The following TMEM182 variants were observed in gnomAD, a reference collection of about 807,000 sequenced individuals.
The protein encoded by TMEM182 is transmembrane protein 182.
TMEM182 carries 20 observed loss-of-function variants against 26.8 expected under a neutral mutation model. The observed-to-expected ratio is 0.75, with a 90% confidence interval of 0.53 to 1.09. TMEM182 has a LOEUF of 1.09. Among genes scored for constraint, TMEM182 ranks in the 50% least tolerant of loss-of-function variants. The pLI is 0.00. For synonymous variants in TMEM182, 109 were observed against 102.2 expected, an observed-to-expected ratio of 1.07 and a Z score of -0.40; for missense variants, 277 against 275.5, an observed-to-expected ratio of 1.01 and a Z score of -0.04.
chr2:102,762,462 A>G (rs1457165263), intron 1 of TMEM182, 113 bp downstream of exon 1: 8 of 1,539,202 alleles, frequency 5.2e-6, no homozygotes, highest in South Asian at 2.5e-5. Flanking sequence ...TGGAAGAGAT[A>G]TGTAGAAAGC....
At chr2:102,771,548 A>G (rs1351455491) in intron 3 of TMEM182, among the ~76,000 whole-genome samples, 1 of 152,148 alleles carries the variant, frequency 6.6e-6, no homozygotes, top group Non-Finnish European at 1.5e-5. Context: ...TGGGCTTCTG[A>G]GAATTGGTTG....
At chr2:102,761,081 G>T (rs1184788257), upstream of TMEM182, among the ~76,000 whole-genome samples, 1 of 152,254 alleles carries the variant, frequency 6.6e-6, no homozygotes, top group Middle Eastern at 3.4e-3. Context: ...AAGTATTCCA[G>T]ATTATTGTTG....
chr2:102,809,429 A>C (rs1313294018), intron 4 of TMEM182, among the ~76,000 whole-genome samples: 2 of 152,196 alleles, frequency 1.3e-5, no homozygotes, highest in African/African-American at 4.8e-5. Context: ...TCCTTAGCAC[A>C]CTTACCCAGG....
chr2:102,756,188 T>C (rs1680026405), intron 1 of TMEM182, among the ~76,000 whole-genome samples: 1 of 152,244 alleles, frequency 6.6e-6, no homozygotes, highest in Non-Finnish European at 1.5e-5. Flanking sequence ...GTGAAATAGA[T>C]TTAAATCAGA....
At chr2:102,774,811 C>T (rs1187720465) in intron 3 of TMEM182, among the ~76,000 whole-genome samples, 1 of 151,996 alleles carries the variant, frequency 6.6e-6, no homozygotes. Context: ...TTTCATTGAT[C>T]TATGTCTCTA....
intron 3 of TMEM182, among the ~76,000 whole-genome samples, chr2:102,775,833 G>A (rs1007845037): frequency 6.6e-6 from 1 of 151,966 alleles, no homozygotes; most frequent in African/African-American, 2.4e-5. Context: ...AACTTACAAG[G>A]GATGTGAAGG....
At chr2:102,740,936 T>C (rs1268669843) in intron 1 of TMEM182, among the ~76,000 whole-genome samples, 1 of 152,224 alleles carries the variant, frequency 6.6e-6, no homozygotes, top group African/African-American at 2.4e-5. Context: ...AACATAATTA[T>C]GCTGAGTGAA....
intron 3 of TMEM182, among the ~76,000 whole-genome samples, chr2:102,830,012 T>C (rs1328940510): frequency 6.6e-6 from 1 of 152,212 alleles, no homozygotes; most frequent in Non-Finnish European, 1.5e-5. Context: ...GTGTTCGTAT[T>C]GCTTGTATAC....
In TMEM182 at chr2:102,752,091, G is replaced by A. The variant is rs540623324; in HGVS notation, c.-82-6298G>A. 2.0e-5 allele frequency among the ~76,000 whole-genome samples: 3 copies of A among 152,274 alleles called. No individual in the cohort carries two copies. In the East Asian group the frequency reaches 5.8e-4, roughly 29 times the overall value. ...CCCCACGGGGATTAGGGCAACATAC[G>A]AATTTTAGAGGGACAGGATTTAGTC... On this transcript the variant is annotated intron_variant, in intron 1 of 5. Transcript: ENST00000409173.
intron 3 of TMEM182, among the ~76,000 whole-genome samples, chr2:102,775,921 A>C (rs1680896987): frequency 6.6e-6 from 1 of 152,208 alleles, no homozygotes; most frequent in Admixed American, 6.5e-5. Context: ...TTATATTTAC[A>C]TCCAATGAAT....
chr2:102,742,474 G>T (rs1679573318), intron 1 of TMEM182, among the ~76,000 whole-genome samples: 1 of 152,064 alleles, frequency 6.6e-6, no homozygotes, highest in African/African-American at 2.4e-5. Context: ...TATTCTTTTG[G>T]AATATCAAAA....
At chr2:102,809,753 TTTCTAA>T (rs1333734945) in intron 4 of TMEM182, among the ~76,000 whole-genome samples, 1 of 152,222 alleles carries the variant, frequency 6.6e-6, no homozygotes, top group African/African-American at 2.4e-5. Flanking sequence ...TGATGTTTAC[TTTCTAA>T]TTCTATGTAG....
At chr2:102,747,190 A>T (rs1458721134) in intron 1 of TMEM182, among the ~76,000 whole-genome samples, 1 of 152,052 alleles carries the variant, frequency 6.6e-6, no homozygotes, top group Non-Finnish European at 1.5e-5. Flanking sequence ...GATGCATAGG[A>T]CGGTACATAG....
At chr2:102,756,075 A>G (rs1680021660) in intron 1 of TMEM182, among the ~76,000 whole-genome samples, 1 of 152,194 alleles carries the variant, frequency 6.6e-6, no homozygotes, top group Non-Finnish European at 1.5e-5. Flanking sequence ...GATGGGGAAC[A>G]AGCAAAGATT....
At chr2:102,738,259 A>G (rs1481141241) in intron 1 of TMEM182, among the ~76,000 whole-genome samples, 8 of 152,162 alleles carry the variant, frequency 5.3e-5, no homozygotes, top group African/African-American at 7.2e-5. Context: ...GGTGACAGGT[A>G]CACATTATAA....
chr2:102,764,656 A>C (rs1269588881), intron 3 of TMEM182, among the ~76,000 whole-genome samples: 1 of 152,156 alleles, frequency 6.6e-6, no homozygotes, highest in African/African-American at 2.4e-5. Flanking sequence ...GCTGCCTATA[A>C]AAGTATTTTT....
rs563987946 is a variant in TMEM182, at chr2:102,836,981, A to C, written c.326-6431A>C. 1.8e-4 allele frequency among the ~76,000 whole-genome samples: 27 copies of C among 152,354 alleles called. No homozygotes were observed. The East Asian group carries it at 5.2e-3, about 29-fold the overall frequency. Reference sequence around the variant, plus strand: ...CTCTTGAGTGCAACACATAAAACTTAGCATTGCCTCACAATCAGTTGAAAT... The same window carrying C: ...CTCTTGAGTGCAACACATAAAACTTCGCATTGCCTCACAATCAGTTGAAAT... On this transcript the variant is annotated intron_variant, in intron 3 of 3. Coordinates refer to the TMEM182 transcript ENST00000486293.
chr2:102,766,698 A>G (rs927252588), intron 3 of TMEM182, among the ~76,000 whole-genome samples: 1 of 152,192 alleles, frequency 6.6e-6, no homozygotes, highest in African/African-American at 2.4e-5. Flanking sequence ...CTTTAGAGCT[A>G]CTATTAAGTT....
Position 102,817,018 on chromosome 2 carries a change from A to C in TMEM182, c.*2050A>C. On this transcript the variant is annotated 3_prime_UTR_variant, in exon 5 of 5. Coordinates refer to ENST00000412401, the MANE Select transcript of TMEM182 (RefSeq NM_144632.5). ...GTATGACACTTTTACACAGATTTGCACTTTGGAACTATTTTATAGTTGTAA... is the reference window on the plus strand; with the variant it reads ...GTATGACACTTTTACACAGATTTGCCCTTTGGAACTATTTTATAGTTGTAA... 1 of 985,772 alleles carries C rather than the reference A, an allele frequency of 1.0e-6. No individual in the cohort carries two copies. Among genetic ancestry groups the C allele is most frequent in the South Asian group, 4.7e-5 (1 of 21,294 alleles). The allele number at this position is 985,772 out of a possible 1,614,324, so 61.1% of individuals were successfully genotyped here.
Sources: gnomAD v4.1 joint callset for allele counts (sites outside exome capture counted in the v4.1 genomes callset) on GRCh38, gnomAD v4.1.1 for gene constraint, MANE v1.5 for transcripts, NCBI Gene and HGNC (gene_info 2026-07-23, HGNC 2026-07-21) for gene names.